Variants in PTK2 observed in about 807,000 individuals in gnomAD.
The protein encoded by PTK2 is focal adhesion kinase 1.
Under a neutral mutation model 150.1 loss-of-function variants are expected in PTK2, and 45 were observed. The observed-to-expected ratio is 0.30, with a 90% CI of 0.24 to 0.38. The LOEUF is 0.38. Ranked by LOEUF, PTK2 falls within the 10% of genes least tolerant of loss-of-function variation. PTK2 has a pLI of 1.00. For missense variants in PTK2, 919 were observed against 1,307.3 expected (o/e 0.70, Z 4.58); for synonymous variants, 432 against 449.2 (o/e 0.96, Z 0.48).
In PTK2 at chr8:140,722,291, T is replaced by G. The variant is rs950175374; in HGVS notation, c.2031-4582A>C. On this transcript the variant is annotated intron_variant, in intron 22 of 31. Coordinates refer to ENST00000522684, the Ensembl canonical transcript of PTK2. ...CCTGGCCAATTTCTTTTTTCTTTTT[T>G]TGAGACAGGGTCTAACTCTGTAGCC... Among the ~76,000 whole-genome samples the G allele has an allele frequency of 1.8e-4, 28 of 152,278 alleles. 1 individual carries two copies. Among genetic ancestry groups the G allele is most frequent in the Middle Eastern group, 3.4e-3 (1 of 294 alleles).
intron 1 of PTK2, among the ~76,000 whole-genome samples, chr8:140,949,477 G>A (rs140993131): frequency 1.4e-4 from 21 of 152,320 alleles, no homozygotes; most frequent in African/African-American, 4.8e-4. Flanking sequence ...TTAGGGGTCC[G>A]GGAAGCCCCC....
chr8:140,846,384 A>G (rs2100125498), intron 6 of PTK2, 62 bp from the exon 7 acceptor site: 1 of 1,524,326 alleles, frequency 6.6e-7, no homozygotes, highest in African/African-American at 1.4e-5. Flanking sequence ...TTGTTAAGTG[A>G]TAAAAACTGG....
intron 2 of PTK2, among the ~76,000 whole-genome samples, chr8:140,907,743 A>C (rs1452822289): frequency 6.6e-6 from 1 of 152,064 alleles, no homozygotes; most frequent in Non-Finnish European, 1.5e-5. Context: ...ATGATATTTG[A>C]TATTTCTATT....
chr8:140,672,310 T>C (rs553525898), intron 29 of PTK2, among the ~76,000 whole-genome samples: 8 of 152,256 alleles, frequency 5.3e-5, no homozygotes, highest in Admixed American at 2.6e-4. Context: ...ACTATAGTCA[T>C]AGAGGTGCGC....
At chr8:140,871,244 A>T (rs1363515057) in intron 4 of PTK2, among the ~76,000 whole-genome samples, 1 of 152,218 alleles carries the variant, frequency 6.6e-6, no homozygotes, top group Non-Finnish European at 1.5e-5. Flanking sequence ...TCCACTAAAT[A>T]AAAAAATCTG....
intron 29 of PTK2, among the ~76,000 whole-genome samples, chr8:140,671,183 T>C (rs1046896270): frequency 6.6e-6 from 1 of 152,186 alleles, no homozygotes; most frequent in African/African-American, 2.4e-5. Flanking sequence ...TTGGCTGTTA[T>C]TTGGATGAAT....
chr8:140,902,920 A>AGTT (rs1167941567), intron 2 of PTK2, among the ~76,000 whole-genome samples: 1 of 53,970 alleles, frequency 1.9e-5, no homozygotes, highest in South Asian at 7.1e-4. Flanking sequence ...CTCTGATGAG[A>AGTT]GTTGTTTTTT....
chr8:140,968,637 A>C (rs1456697364), intron 1 of PTK2, among the ~76,000 whole-genome samples: 6 of 152,212 alleles, frequency 3.9e-5, no homozygotes, highest in Non-Finnish European at 8.8e-5. Flanking sequence ...TCCCCACAAA[A>C]TTATATTGTG....
intron 5 of PTK2, among the ~76,000 whole-genome samples, chr8:140,858,948 T>C (rs554934324): frequency 6.6e-6 from 1 of 152,206 alleles, no homozygotes; most frequent in African/African-American, 2.4e-5. Flanking sequence ...AATTATTAAA[T>C]CCACGGATGA....
intron 14 of PTK2, among the ~76,000 whole-genome samples, chr8:140,788,450 G>A (rs1352291282): frequency 6.6e-6 from 1 of 152,080 alleles, no homozygotes; most frequent in South Asian, 2.1e-4. Context: ...TTGGGAGGCC[G>A]AGGCAGGCGG....
At chr8:140,662,662 CAGG>C (rs1188036104) in intron 31 of PTK2, 2 of 553,620 alleles carry the variant, frequency 3.6e-6, no homozygotes, top group East Asian at 5.7e-5. Flanking sequence ...GAATCACCAA[CAGG>C]AGTTGTGTCC....
At chr8:140,666,211 G>A (rs2091397114) in intron 30 of PTK2, among the ~76,000 whole-genome samples, 1 of 152,098 alleles carries the variant, frequency 6.6e-6, no homozygotes, top group African/African-American at 2.4e-5. Context: ...GGTGGTGCAT[G>A]CCTGTAGTCC....
chr8:140,785,233 G>A (rs1035763632), intron 14 of PTK2, among the ~76,000 whole-genome samples: 4 of 152,102 alleles, frequency 2.6e-5, no homozygotes, highest in Admixed American at 6.5e-5. Context: ...TTCTGCTGTC[G>A]GTTCCCGCTA....
chr8:140,702,006 T>C (rs925260222), intron 25 of PTK2, among the ~76,000 whole-genome samples: 2 of 151,262 alleles, frequency 1.3e-5, no homozygotes, highest in African/African-American at 4.9e-5. Flanking sequence ...CTCGCACTTG[T>C]AATCCAAGCT....
intron 23 of PTK2, among the ~76,000 whole-genome samples, chr8:140,706,542 A>G (rs2100033917): frequency 6.6e-6 from 1 of 152,172 alleles, no homozygotes; most frequent in Non-Finnish European, 1.5e-5. Context: ...ATGGTAGCTC[A>G]TGCCTGTAAT....
chr8:140,975,311 G>A (rs1041391078), intron 1 of PTK2, among the ~76,000 whole-genome samples: 1 of 152,094 alleles, frequency 6.6e-6, no homozygotes, highest in African/African-American at 2.4e-5. Context: ...TGCTGCCCTA[G>A]GATGTAAAAA....
chr8:140,869,135 C>G (rs1185576808), intron 4 of PTK2, among the ~76,000 whole-genome samples: 1 of 123,462 alleles, frequency 8.1e-6, no homozygotes, highest in African/African-American at 3.1e-5. Context: ...CCAACCCATA[C>G]ACACACAAAA....
chr8:140,672,735 T>G (rs1324488102), intron 29 of PTK2, among the ~76,000 whole-genome samples: 1 of 152,230 alleles, frequency 6.6e-6, no homozygotes, highest in Admixed American at 6.5e-5. Context: ...TACCCTGGAC[T>G]AACTTTCTGA....
intron 20 of PTK2, among the ~76,000 whole-genome samples, chr8:140,740,870 C>T (rs565372435): frequency 2.6e-5 from 4 of 152,334 alleles, no homozygotes; most frequent in African/African-American, 7.2e-5. Context: ...TAGCTGGGCA[C>T]AGTGGCTCAT....
Sources: gnomAD v4.1 joint callset for allele counts (sites outside exome capture counted in the v4.1 genomes callset) on GRCh38, gnomAD v4.1.1 for gene constraint, MANE v1.5 for transcripts, NCBI Gene and HGNC (gene_info 2026-07-23, HGNC 2026-07-21) for gene names.